The following FGF1 variants were observed in gnomAD, a reference collection of about 807,000 sequenced individuals.
FGF1 encodes fibroblast growth factor 1.
In FGF1, 9 loss-of-function variants were observed where a neutral mutation model predicts 13.4. That is an observed-to-expected ratio of 0.67 (90% CI 0.40 to 1.17). FGF1 has a LOEUF of 1.17. Ranked by LOEUF, FGF1 falls within the 50% of genes most tolerant of loss-of-function variation. The pLI is 0.01. For missense variants in FGF1, 156 were observed against 192.7 expected (o/e 0.81, Z 1.13); for synonymous variants, 93 against 79.0 (o/e 1.18, Z -0.94).
chr5:142,597,674 G>A (rs1755595677), intron 3 of FGF1, among the ~76,000 whole-genome samples: 1 of 152,190 alleles, frequency 6.6e-6, no homozygotes, highest in African/African-American at 2.4e-5. Flanking sequence ...GACCCCTGCA[G>A]TCTCTCTTCA....
At chr5:142,638,081 A>G (rs1764586652) in intron 1 of FGF1, among the ~76,000 whole-genome samples, 1 of 151,994 alleles carries the variant, frequency 6.6e-6, no homozygotes, top group Non-Finnish European at 1.5e-5. Flanking sequence ...AAGCCGGCAG[A>G]GCTTTCATTC....
chr5:142,622,764 CT>C (rs1761859523), intron 1 of FGF1, among the ~76,000 whole-genome samples: 2 of 152,230 alleles, frequency 1.3e-5, no homozygotes, highest in African/African-American at 4.8e-5. Context: ...GTGTTCTTTG[CT>C]TTCTATTTCT....
chr5:142,615,936 C>A (rs543391874), intron 1 of FGF1, among the ~76,000 whole-genome samples: 2 of 152,300 alleles, frequency 1.3e-5, no homozygotes, highest in East Asian at 3.9e-4. Flanking sequence ...TTATTTGTGA[C>A]CCAAAGGTTG....
chr5:142,630,626 A>G (rs866265222), intron 1 of FGF1, among the ~76,000 whole-genome samples: 3 of 151,938 alleles, frequency 2.0e-5, no homozygotes, highest in Non-Finnish European at 4.4e-5. Flanking sequence ...TTGCCCCTCT[A>G]TTCCAGCCAC....
chr5:142,660,519 A>G (rs1269227919), intron 1 of FGF1, among the ~76,000 whole-genome samples: 2 of 152,184 alleles, frequency 1.3e-5, no homozygotes, highest in Non-Finnish European at 2.9e-5. Context: ...TCACCCCACA[A>G]TGGCCTCTGG....
intron 1 of FGF1, among the ~76,000 whole-genome samples, chr5:142,624,385 G>T (rs575495673): frequency 2.1e-4 from 32 of 152,146 alleles, no homozygotes; most frequent in Non-Finnish European, 3.8e-4. Context: ...AATATTTTAG[G>T]AGTATTCGAA....
In FGF1 at chr5:142,592,237, G is replaced by T. The variant is rs772039892; in HGVS notation, c.*3053C>A. 11 of 397,604 alleles carry T rather than the reference G, an allele frequency of 2.8e-5. No homozygotes were observed. Among genetic ancestry groups the T allele is most frequent in the Non-Finnish European group, 4.4e-5 (10 of 225,754 alleles). 24.6% of individuals were successfully genotyped at this position (397,604 alleles called of 1,614,324 possible). ...AGGTGCAGACTATGATACACAAAAAGACAGTGATGTGAAATAACAGGCATC... is the reference window on the plus strand; with the variant it reads ...AGGTGCAGACTATGATACACAAAAATACAGTGATGTGAAATAACAGGCATC... On this transcript the variant is annotated 3_prime_UTR_variant, in exon 4 of 4. Coordinates refer to ENST00000337706, the MANE Select transcript of FGF1 (RefSeq NM_000800.5).
At chr5:142,621,504 C>T (rs561669670) in intron 1 of FGF1, among the ~76,000 whole-genome samples, 1 of 152,060 alleles carries the variant, frequency 6.6e-6, no homozygotes, top group Non-Finnish European at 1.5e-5. Context: ...TATTTGGACA[C>T]ATCCCCCAAC....
At chr5:142,666,006 T>C (rs959701881) in intron 1 of FGF1, among the ~76,000 whole-genome samples, 3 of 152,172 alleles carry the variant, frequency 2.0e-5, no homozygotes, top group Admixed American at 2.0e-4. Flanking sequence ...CTGCCTTTGA[T>C]AACTGGCCTG....
chr5:142,644,784 T>A (rs1015903644), intron 1 of FGF1, among the ~76,000 whole-genome samples: 2 of 152,188 alleles, frequency 1.3e-5, no homozygotes, highest in African/African-American at 4.8e-5. Context: ...CTTGTGATAG[T>A]CTCTCCATCA....
intron 3 of FGF1, among the ~76,000 whole-genome samples, chr5:142,599,321 T>C (rs538815891): frequency 1.6e-3 from 246 of 152,190 alleles, no homozygotes; most frequent in Non-Finnish European, 3.1e-3. Flanking sequence ...GGTTACCTAT[T>C]ACGCTGATGA....
intron 1 of FGF1, among the ~76,000 whole-genome samples, chr5:142,633,161 C>T (rs902650925): frequency 3.3e-5 from 5 of 152,098 alleles, no homozygotes; most frequent in African/African-American, 1.2e-4. Flanking sequence ...CCTCGTGATC[C>T]ACCTGCTTCG....
At chr5:142,646,189 G>C (rs4912871) in intron 1 of FGF1, among the ~76,000 whole-genome samples, 12 of 143,882 alleles carry the variant, frequency 8.3e-5, no homozygotes, top group African/African-American at 2.6e-4. Context: ...GATTACAGGC[G>C]TGAGCCACCG....
intron 2 of FGF1, among the ~76,000 whole-genome samples, chr5:142,608,542 C>CTATATATATATA (rs369107817): frequency 3.9e-5 from 3 of 76,030 alleles, no homozygotes; most frequent in Non-Finnish European, 5.5e-5. Context: ...ATATACACAT[C>CTATATATATATA]TATATATATA....
chr5:142,672,386 C>G (rs148219300), intron 1 of FGF1, among the ~76,000 whole-genome samples: 1 of 152,042 alleles, frequency 6.6e-6, no homozygotes, highest in South Asian at 2.1e-4. Context: ...CACCAAGTAC[C>G]AGGCACTGTA....
At chr5:142,666,007 A>C (rs1481363523) in intron 1 of FGF1, among the ~76,000 whole-genome samples, 1 of 152,054 alleles carries the variant, frequency 6.6e-6, no homozygotes, top group Non-Finnish European at 1.5e-5. Context: ...TGCCTTTGAT[A>C]ACTGGCCTGC....
chr5:142,592,440 A>G lies in FGF1; in HGVS notation c.*2850T>C, dbSNP rs1168649028. On this transcript the variant is annotated 3_prime_UTR_variant, in exon 4 of 4. Coordinates refer to ENST00000337706, the MANE Select transcript of FGF1 (RefSeq NM_000800.5). ...CTGTTGGCCATTGTGAATCTTTCTTATCATGCCTTCCAAGGAAACCAATAC... is the reference window on the plus strand; with the variant it reads ...CTGTTGGCCATTGTGAATCTTTCTTGTCATGCCTTCCAAGGAAACCAATAC... 1.8e-5 allele frequency: 7 copies of G among 398,422 alleles called. No individual in the cohort carries two copies. The highest frequency in any genetic ancestry group is 2.7e-5 in the Non-Finnish European group (6 of 226,030). The allele number at this position is 398,422 out of a possible 1,614,324, so 24.7% of individuals were successfully genotyped here. A position where few individuals can be genotyped will look rare whatever the true frequency, so the allele number is the denominator to read the frequency against.
intron 1 of FGF1, among the ~76,000 whole-genome samples, chr5:142,655,031 C>T (rs1275141180): frequency 1.3e-5 from 2 of 152,234 alleles, no homozygotes; most frequent in Non-Finnish European, 2.9e-5. Flanking sequence ...TTTGGAAAAA[C>T]TGTTTTCGTT....
At chr5:142,648,506 G>A (rs137858462) in intron 1 of FGF1, among the ~76,000 whole-genome samples, 3,055 of 151,366 alleles carry the variant, frequency 0.02, 98 homozygotes, top group African/African-American at 0.061. Flanking sequence ...GGGGCCTGTC[G>A]GGGGTTGGGG....
Sources: gnomAD v4.1 joint callset for allele counts (sites outside exome capture counted in the v4.1 genomes callset) on GRCh38, gnomAD v4.1.1 for gene constraint, MANE v1.5 for transcripts, NCBI Gene and HGNC (gene_info 2026-07-23, HGNC 2026-07-21) for gene names.